Variants in PLAC8 observed in about 807,000 individuals in gnomAD.
The protein encoded by PLAC8 is placenta associated 8.
In PLAC8, 6 loss-of-function variants were observed where a neutral mutation model predicts 12.6. The ratio of observed to expected loss-of-function variants is 0.48; its 90% CI spans 0.26 to 0.94. PLAC8 has a LOEUF of 0.94. Ranked by LOEUF, PLAC8 falls within the 40% of genes least tolerant of loss-of-function variation. The pLI is 0.14. For missense variants in PLAC8, 122 were observed against 152.7 expected (o/e 0.80, Z 1.06); for synonymous variants, 54 against 52.6 (o/e 1.03, Z -0.11).
At chr4:83,110,991 T>G (rs1031814444) in intron 1 of PLAC8, among the ~76,000 whole-genome samples, 2 of 152,186 alleles carry the variant, frequency 1.3e-5, no homozygotes, top group African/African-American at 4.8e-5. Flanking sequence ...TGTGATAAGG[T>G]CTCTTTGTTG....
intron 3 of PLAC8, among the ~76,000 whole-genome samples, chr4:83,097,232 T>G (rs914927171): frequency 1.3e-5 from 2 of 150,742 alleles, no homozygotes; most frequent in Non-Finnish European, 3.0e-5. Context: ...ACATGTGGGG[T>G]GTGTGTGTGT....
chr4:83,094,076 C>T (rs1731869222), intron 4 of PLAC8: 1 of 152,204 alleles, frequency 6.6e-6, no homozygotes, highest in Non-Finnish European at 1.5e-5. Flanking sequence ...TTCTACTTAA[C>T]TACATCCTCA....
At chr4:83,110,378 A>C (rs560695364) in intron 1 of PLAC8, among the ~76,000 whole-genome samples, 19 of 152,276 alleles carry the variant, frequency 1.2e-4, no homozygotes, top group African/African-American at 4.6e-4. Context: ...TCATGAAATA[A>C]GAGGTAAGGA....
At chr4:83,106,304 G>A (rs9685274) in intron 2 of PLAC8, among the ~76,000 whole-genome samples, 59,594 of 151,348 alleles carry the variant, frequency 0.39, 11,912 homozygotes, top group Middle Eastern at 0.47. Context: ...CAGCCTGATT[G>A]TAATTCTTAT....
chr4:83,106,942 G>C (rs1048222425), intron 2 of PLAC8, among the ~76,000 whole-genome samples: 1 of 152,162 alleles, frequency 6.6e-6, no homozygotes, highest in Non-Finnish European at 1.5e-5. Context: ...GCTCACGCTT[G>C]TAATCCCAGT....
chr4:83,108,603 C>T (rs1458296861), intron 1 of PLAC8, among the ~76,000 whole-genome samples: 1 of 152,092 alleles, frequency 6.6e-6, no homozygotes, highest in Non-Finnish European at 1.5e-5. Flanking sequence ...CAACAAAACC[C>T]CCCAAAACAA....
intron 3 of PLAC8, among the ~76,000 whole-genome samples, chr4:83,099,012 G>A (rs1287283885): frequency 1.3e-5 from 2 of 151,922 alleles, no homozygotes; most frequent in East Asian, 3.9e-4. Context: ...TGTTATTGGT[G>A]TATGTTCCAA....
intron 3 of PLAC8, among the ~76,000 whole-genome samples, chr4:83,098,316 T>C (rs1180739318): frequency 6.6e-6 from 1 of 152,196 alleles, no homozygotes; most frequent in African/African-American, 2.4e-5. Flanking sequence ...CATTTTTCCA[T>C]AGGTTAAAAC....
chr4:83,092,293 T>A (rs1057115943), intron 4 of PLAC8, among the ~76,000 whole-genome samples: 1 of 152,198 alleles, frequency 6.6e-6, no homozygotes, highest in Non-Finnish European at 1.5e-5. Context: ...GTAAACAGTG[T>A]TGGAATGATC....
Position 83,099,772 on chromosome 4 carries a change from C to T in PLAC8, c.244-4981G>A, listed in dbSNP as rs182312266. On this transcript the variant is annotated intron_variant, in intron 3 of 4. Transcript: ENST00000311507. ...CAGCACTTTGGAAGGCCAAGGCAGG[C>T]GGATCACAGGGTCAAGAAATCTAGA... Among the ~76,000 whole-genome samples the T allele has an allele frequency of 5.9e-3, 883 of 150,550 alleles. 3 individuals carry two copies. The highest frequency in any genetic ancestry group is 9.6e-3 in the South Asian group (46 of 4,776).
intron 3 of PLAC8, among the ~76,000 whole-genome samples, chr4:83,103,701 T>TG (rs1212380740): frequency 6.6e-6 from 1 of 152,136 alleles, no homozygotes; most frequent in Non-Finnish European, 1.5e-5. Flanking sequence ...GATGGAGTCT[T>TG]GCTCTGTTGT....
intron 3 of PLAC8, among the ~76,000 whole-genome samples, chr4:83,100,686 A>G (rs1299713046): frequency 1.3e-5 from 2 of 152,188 alleles, no homozygotes; most frequent in Non-Finnish European, 2.9e-5. Flanking sequence ...CTGAGACACA[A>G]CAATACTGAA....
At chr4:83,102,212 A>T (rs966777885) in intron 3 of PLAC8, among the ~76,000 whole-genome samples, 2 of 152,140 alleles carry the variant, frequency 1.3e-5, no homozygotes, top group African/African-American at 4.8e-5. Context: ...GGAAATGATT[A>T]ATAATTTTAG....
rs372591514 is a variant in PLAC8, at chr4:83,107,776, T to C, written c.118+28A>G. The C allele has an allele frequency of 2.2e-5, 30 of 1,383,956 alleles. No individual in the cohort carries two copies. In the African/African-American group the frequency reaches 3.9e-4, roughly 18 times the overall value. 85.7% of individuals were successfully genotyped at this position (1,383,956 alleles called of 1,614,324 possible). On this transcript the variant is annotated intron_variant, in intron 2 of 4. Transcript: ENST00000311507. ...ATTGGTAATTCACCTCGGTATCAAATAAGGGGGTTCTTTCCCCACACACTT... is the reference window on the plus strand; with the variant it reads ...ATTGGTAATTCACCTCGGTATCAAACAAGGGGGTTCTTTCCCCACACACTT...
chr4:83,093,281 G>A (rs912084635), intron 4 of PLAC8: 3 of 152,210 alleles, frequency 2.0e-5, no homozygotes, highest in East Asian at 1.9e-4. Flanking sequence ...AAGGACATCC[G>A]AAAGTGAGGT....
intron 3 of PLAC8, among the ~76,000 whole-genome samples, chr4:83,099,337 C>T (rs1281389054): frequency 6.6e-6 from 1 of 151,920 alleles, no homozygotes; most frequent in Non-Finnish European, 1.5e-5. Flanking sequence ...TGTGGCAACC[C>T]TGCATCAAGC....
chr4:83,108,342 C>T (rs1732312952), intron 1 of PLAC8, among the ~76,000 whole-genome samples: 1 of 152,092 alleles, frequency 6.6e-6, no homozygotes, highest in Non-Finnish European at 1.5e-5. Flanking sequence ...TCTGTAATCC[C>T]GGCACTTTGG....
intron 3 of PLAC8, 79 bp from the exon 4 acceptor site, chr4:83,094,870 C>T: frequency 1.4e-6 from 1 of 712,264 alleles, no homozygotes; most frequent in Non-Finnish European, 2.3e-6. Flanking sequence ...TGAAGAGAAG[C>T]AGAAGGCACT....
intron 1 of PLAC8, among the ~76,000 whole-genome samples, chr4:83,112,353 T>G (rs1414273576): frequency 6.6e-6 from 1 of 152,070 alleles, no homozygotes; most frequent in Non-Finnish European, 1.5e-5. Flanking sequence ...ATTGTATGTT[T>G]CTGTTTCCTT....
Sources: gnomAD v4.1 joint callset for allele counts (sites outside exome capture counted in the v4.1 genomes callset) on GRCh38, gnomAD v4.1.1 for gene constraint, MANE v1.5 for transcripts, NCBI Gene and HGNC (gene_info 2026-07-23, HGNC 2026-07-21) for gene names.